Variants in CTR9 observed in about 807,000 individuals in gnomAD.
CTR9 encodes RNA polymerase-associated protein CTR9 homolog.
A neutral mutation model predicts 152.1 loss-of-function variants in CTR9; 41 were observed. That is an observed-to-expected ratio of 0.27 (90% confidence interval 0.21 to 0.35). CTR9 has a LOEUF of 0.35. Among genes scored for constraint, CTR9 ranks in the 10% least tolerant of loss-of-function variants. The probability of loss-of-function intolerance (pLI) is 1.00; values close to 1 mark genes in which losing one functional copy is unlikely to be tolerated. For synonymous variants in CTR9, 476 were observed against 496.2 expected, an observed-to-expected ratio of 0.96 and a Z score of 0.54; for missense variants, 917 against 1,424.4, an observed-to-expected ratio of 0.64 and a Z score of 5.73.
rs949336975 is a variant in CTR9, at chr11:10,772,570, G to A, written c.2495G>A (p.Arg832His). 5 of 1,610,998 alleles carry A rather than the reference G, an allele frequency of 3.1e-6. No homozygotes were observed. The highest frequency in any genetic ancestry group is 1.7e-5 in the Admixed American group (1 of 59,542). ...SQAQYHVARA[R>H]KQDEEERELR... ...GCCCAGTACCATGTGGCCCGGGCAC[G>A]CAAACAAGATGAAGAAGAGCGGGAG... The change falls in exon 20 of 25, where the codon CGC (arginine) becomes CAC (histidine). Residue 832 changes from arginine to histidine, a missense_variant. This residue lies in a region of CTR9 where 106 missense variants were observed against 157.8 expected (regional missense o/e 0.67). Coordinates refer to ENST00000361367, the MANE Select transcript of CTR9 (RefSeq NM_014633.5).
Position 10,778,732 on chromosome 11 carries a change from A to G in CTR9, c.3149A>G (p.Lys1050Arg), listed in dbSNP as rs141131642. Residue 1050 changes from lysine to arginine, a missense_variant, in exon 25 of 25, where the codon AAG (lysine) becomes AGG (arginine). Physicochemically the swap from Lys to Arg is conservative, Grantham distance 26. Coordinates refer to ENST00000361367, the MANE Select transcript of CTR9 (RefSeq NM_014633.5). ...NSDSDEDEQRKKCASSESDSD... is the reference protein window; with the variant it reads ...NSDSDEDEQRRKCASSESDSD... Reference sequence around the variant, plus strand: ...GACTCAGACGAGGACGAACAACGAAAGAAATGTGCCTCATCAGAGAGTGAT... The same window carrying G: ...GACTCAGACGAGGACGAACAACGAAGGAAATGTGCCTCATCAGAGAGTGAT... 1,546 of 1,614,136 alleles carry G rather than the reference A, an allele frequency of 9.6e-4. 2 individuals carry two copies. Among genetic ancestry groups the G allele is most frequent in the Non-Finnish European group, 1.0e-3 (1,217 of 1,179,970 alleles).
intron 21 of CTR9, 123 bp from the exon 22 acceptor site, chr11:10,773,884 CAAAAA>C (rs11386264): frequency 1.1e-4 from 46 of 402,848 alleles, no homozygotes; most frequent in South Asian, 2.9e-4. Context: ...GACTTCATCT[CAAAAA>C]AAAAAAAAAA....
rs1005959923 is a variant in CTR9, at chr11:10,767,511, C to G, written c.1687-295C>G. 10 of 264,248 alleles carry G rather than the reference C, an allele frequency of 3.8e-5. No homozygotes were observed. Among genetic ancestry groups the G allele is most frequent in the Non-Finnish European group, 2.9e-5 (4 of 137,388 alleles). 16.4% of individuals were successfully genotyped at this position (264,248 alleles called of 1,614,324 possible). A position where few individuals can be genotyped will look rare whatever the true frequency, so the allele number is the denominator to read the frequency against. On this transcript the variant is annotated intron_variant, in intron 13 of 24. Transcript: ENST00000361367. The surrounding 1 kb of genome is among the most constrained non-coding windows in gnomAD (Gnocchi z 4.0). ...ATGTAAAGATTGTGTGTCTATCCAA[C>G]AGGGAGCCACAGTATTTAAATTGAC...
At chr11:10,756,540 A>G (rs528277214) in intron 4 of CTR9, among the ~76,000 whole-genome samples, 13 of 152,356 alleles carry the variant, frequency 8.5e-5, no homozygotes, top group Admixed American at 3.9e-4. Flanking sequence ...TGCTAACTTT[A>G]TAACATTTAA....
intron 2 of CTR9, among the ~76,000 whole-genome samples, chr11:10,753,679 A>G (rs1862839736): frequency 6.7e-6 from 1 of 148,322 alleles, no homozygotes; most frequent in African/African-American, 2.4e-5. Flanking sequence ...TTAGATGTAT[A>G]TATAATATAT....
chr11:10,766,260 T>C, intron 12 of CTR9, 142 bp from the exon 13 acceptor site: 4 of 644,854 alleles, frequency 6.2e-6, no homozygotes, highest in Non-Finnish European at 1.1e-5. Context: ...GATGGATGAT[T>C]GATATTTTTT....
intron 1 of CTR9, among the ~76,000 whole-genome samples, chr11:10,751,721 T>C (rs540027919): frequency 6.6e-6 from 1 of 152,188 alleles, no homozygotes; most frequent in Admixed American, 6.5e-5. Context: ...GACAGTGCGC[T>C]ACTCTTTTCC....
intron 1 of CTR9, 25 bp from the exon 2 acceptor site, chr11:10,752,647 T>G (rs1445324301): frequency 1.3e-6 from 2 of 1,535,364 alleles, no homozygotes; most frequent in Admixed American, 3.4e-5. Flanking sequence ...GGAATAAGAG[T>G]TAAGACCTAC....
At position 10,775,977 on chromosome 11, in the gene CTR9, A is replaced by C. The variant is rs186881113; in HGVS notation, c.3095+344A>C. ...TTCCTAGATGACATCCTTCTAAATG[A>C]AATGTATCATTTTGCTGCCCTACTG... On this transcript the variant is annotated intron_variant, in intron 24 of 24. Transcript: ENST00000361367. 9.5e-4 allele frequency among the ~76,000 whole-genome samples: 145 copies of C among 152,366 alleles called. 1 individual carries two copies. The highest frequency in any genetic ancestry group is 3.3e-3 in the African/African-American group (138 of 41,588).
At chr11:10,772,455 T>C (rs1863159212) in intron 19 of CTR9, 65 bp from the exon 20 acceptor site, 2 of 1,283,216 alleles carry the variant, frequency 1.6e-6, no homozygotes, top group East Asian at 2.8e-5. Context: ...ATAAGGAAAA[T>C]AGATGTGCTG....
intron 5 of CTR9, among the ~76,000 whole-genome samples, chr11:10,758,140 G>T (rs1461543869): frequency 6.6e-6 from 1 of 152,202 alleles, no homozygotes; most frequent in Non-Finnish European, 1.5e-5. Context: ...GACTAATCAC[G>T]TAGGGCATCA....
Position 10,767,912 on chromosome 11 carries a change from A to G in CTR9, c.1793A>G (p.Gln598Arg). 1 of 1,614,184 alleles carries G rather than the reference A, an allele frequency of 6.2e-7. No individual in the cohort carries two copies. ...AGGATATTAAAACAGCCATCCACAC[A>G]GAGTGATACCTATTCTATGCTAGCC... ...FERILKQPST[Q>R]SDTYSMLALG... The change falls in exon 14 of 25, where the codon CAG (glutamine) becomes CGG (arginine). Residue 598 changes from glutamine (Q) to arginine (R), a missense_variant. Around this residue, in one of 9 missense-constraint regions of CTR9, gnomAD observed 87 missense variants for 235.7 expected, o/e 0.37. Transcript: ENST00000361367. The surrounding 1 kb of genome is among the most constrained non-coding windows in gnomAD (Gnocchi z 4.0).
At chr11:10,756,433 A>G (rs950662066) in intron 4 of CTR9, among the ~76,000 whole-genome samples, 2 of 152,076 alleles carry the variant, frequency 1.3e-5, no homozygotes, top group African/African-American at 2.4e-5. Flanking sequence ...AGGCCCCAGT[A>G]TGTGATGTTC....
Position 10,770,225 on chromosome 11 carries a change from C to T in CTR9, c.2125C>T (p.Arg709Ter). 1.2e-6 allele frequency: 2 copies of T among 1,608,678 alleles called. No homozygotes were observed. Among genetic ancestry groups the T allele is most frequent in the Non-Finnish European group, 1.7e-6 (2 of 1,178,514 alleles). Residue 709 changes from arginine to a stop codon, truncating the protein, a stop_gained, in exon 17 of 25, where the codon CGA (arginine) becomes TGA (stop). Coordinates refer to ENST00000361367, the MANE Select transcript of CTR9 (RefSeq NM_014633.5). LOFTEE classifies it high-confidence loss of function. ...SAVQMYENCL[R>*]KFYKHQNTEV... is the part of the protein sequence containing the mutation. ...TTTACTGTAGTATGAAAACTGCCTC[C>T]GAAAGTTCTATAAGCACCAAAACAC...
chr11:10,756,602 AAAAC>A (rs1862888113), intron 4 of CTR9, 143 bp from the exon 5 acceptor site: 4 of 542,016 alleles, frequency 7.4e-6, no homozygotes, highest in Admixed American at 7.6e-5. Flanking sequence ...ACTTTTATGA[AAAAC>A]AAATTTTTAA....
chr11:10,771,083 A>T (rs752288630), intron 18 of CTR9, among the ~76,000 whole-genome samples: 23 of 152,218 alleles, frequency 1.5e-4, no homozygotes, highest in Non-Finnish European at 2.4e-4. Context: ...ATAATGCTTA[A>T]TAGTTTTATT....
Position 10,767,984 on chromosome 11 carries a change from G to A in CTR9, c.1865G>A (p.Arg622Gln), listed in dbSNP as rs1338208604. Residue 622 changes from arginine (R) to glutamine (Q), a missense_variant, in exon 14 of 25, where the codon CGA becomes CAA. Around this residue, in one of 9 missense-constraint regions of CTR9, gnomAD observed 87 missense variants for 235.7 expected, o/e 0.37. Coordinates refer to ENST00000361367, the MANE Select transcript of CTR9 (RefSeq NM_014633.5). This position sits in a 1 kb window ranked among gnomAD's most constrained non-coding sequence, Gnocchi z 4.0. ...ACTTTACATCAGCCCACCCGAGATCGAGAAAAGGTAATCTCTTTTTGTCCT... is the reference window on the plus strand; with the variant it reads ...ACTTTACATCAGCCCACCCGAGATCAAGAAAAGGTAATCTCTTTTTGTCCT... ...LQTLHQPTRD[R>Q]EKEKRHQDRA... 4.3e-6 allele frequency: 7 copies of A among 1,613,558 alleles called. No individual in the cohort carries two copies. Among genetic ancestry groups the A allele is most frequent in the African/African-American group, 2.7e-5 (2 of 74,872 alleles).
At chr11:10,772,480 G>A (rs778925187) in intron 19 of CTR9, 40 bp from the exon 20 acceptor site, 1 of 1,368,898 alleles carries the variant, frequency 7.3e-7, no homozygotes, top group South Asian at 2.1e-5. Context: ...TTTTAATATA[G>A]TAGTTACATT....
rs759756278 is a variant in CTR9, at chr11:10,763,886, C to CT, written c.1194+15dup. 40 of 1,582,558 alleles carry CT rather than the reference C, an allele frequency of 2.5e-5. No individual in the cohort carries two copies. Among genetic ancestry groups the CT allele is most frequent in the South Asian group, 5.8e-5 (5 of 86,780 alleles). On this transcript the variant is annotated splice_region_variant and intron_variant, in intron 9 of 24. Transcript: ENST00000361367. ...AAAACGAGATATTGCCAAGGTACAT[C>CT]TTTTTTTTAAAGTCTTAGCTGTTTT...
Sources: allele counts gnomAD v4.1 joint callset (sites outside exome capture counted in the v4.1 genomes callset), GRCh38; gene constraint gnomAD v4.1.1; regional missense constraint gnomAD v4.1.1; non-coding constraint Gnocchi (gnomAD v3.1); transcripts MANE v1.5; gene names NCBI Gene and HGNC (gene_info 2026-07-23, HGNC 2026-07-21).